Variants in NRG3 observed in about 807,000 individuals in gnomAD.
NRG3 encodes neuregulin 3, also known as pro-neuregulin-3, membrane-bound isoform.
In NRG3, 31 loss-of-function variants were observed where a neutral mutation model predicts 66.9. The observed-to-expected ratio is 0.46, with a 90% CI of 0.35 to 0.63. NRG3 has a LOEUF of 0.63. NRG3 is among the 20% of genes least tolerant of loss of function. The probability of loss-of-function intolerance (pLI) is 0.00; values close to 1 mark genes in which losing one functional copy is unlikely to be tolerated. For missense variants in NRG3, 910 were observed against 878.9 expected, an observed-to-expected ratio of 1.04 and a Z score of -0.45; for synonymous variants, 393 against 359.4, an observed-to-expected ratio of 1.09 and a Z score of -1.06.
intron 2 of NRG3, among the ~76,000 whole-genome samples, chr10:82,403,011 A>T (rs559518225): frequency 6.6e-6 from 1 of 152,316 alleles, no homozygotes; most frequent in Admixed American, 6.5e-5. Context: ...AAAGGAATCT[A>T]TGTGATCTTT....
At chr10:82,478,231 C>CTTT (rs1210990084) in intron 2 of NRG3, among the ~76,000 whole-genome samples, 2 of 18,150 alleles carry the variant, frequency 1.1e-4, no homozygotes, top group Non-Finnish European at 1.3e-4. Context: ...TTGTGTCACT[C>CTTT]TTTTTTTTTT....
At chr10:81,967,978 A>G (rs2059794930) in intron 1 of NRG3, among the ~76,000 whole-genome samples, 1 of 152,222 alleles carries the variant, frequency 6.6e-6, no homozygotes, top group South Asian at 2.1e-4. Flanking sequence ...ATGGATATGC[A>G]TATAAATATA....
intron 3 of NRG3, among the ~76,000 whole-genome samples, chr10:82,782,454 A>T (rs1224796346): frequency 6.6e-6 from 1 of 151,990 alleles, no homozygotes; most frequent in African/African-American, 2.4e-5. Flanking sequence ...CTTTATAAAT[A>T]TTTATTTATA....
chr10:82,692,676 T>C (rs1437647577), intron 2 of NRG3, among the ~76,000 whole-genome samples: 1 of 152,150 alleles, frequency 6.6e-6, no homozygotes, highest in African/African-American at 2.4e-5. Flanking sequence ...CAAGTACAGG[T>C]GGGCCTCTAG....
chr10:82,150,103 C>T (rs2070597020), intron 1 of NRG3, among the ~76,000 whole-genome samples: 1 of 152,148 alleles, frequency 6.6e-6, no homozygotes, highest in Non-Finnish European at 1.5e-5. Context: ...CCTGGACCAC[C>T]CTACTGTCCA....
At chr10:82,807,815 C>T (rs1485331677) in intron 3 of NRG3, among the ~76,000 whole-genome samples, 1 of 152,156 alleles carries the variant, frequency 6.6e-6, no homozygotes, top group Non-Finnish European at 1.5e-5. Context: ...GCTGCAAAGA[C>T]AGTCATATGG....
chr10:82,035,061 G>A (rs571048433), intron 1 of NRG3, among the ~76,000 whole-genome samples: 5 of 152,220 alleles, frequency 3.3e-5, no homozygotes, highest in South Asian at 4.1e-4. Flanking sequence ...CGCATATATA[G>A]TGGGTTTGAT....
intron 2 of NRG3, among the ~76,000 whole-genome samples, chr10:82,679,317 G>T (rs1014308218): frequency 6.6e-6 from 1 of 152,096 alleles, no homozygotes; most frequent in Non-Finnish European, 1.5e-5. Flanking sequence ...CACGTTCAAT[G>T]CTCAGCTAAG....
chr10:82,878,391 A>T (rs1048361124), intron 4 of NRG3, among the ~76,000 whole-genome samples: 2 of 152,232 alleles, frequency 1.3e-5, no homozygotes, highest in African/African-American at 4.8e-5. Flanking sequence ...CTGTGTGCAG[A>T]GTTTGCCTGA....
chr10:82,043,624 A>G (rs575577834), intron 1 of NRG3, among the ~76,000 whole-genome samples: 33 of 152,110 alleles, frequency 2.2e-4, no homozygotes, highest in African/African-American at 7.5e-4. Flanking sequence ...TGTCACCTCC[A>G]CACATGGAAT....
At chr10:82,301,014 G>T (rs762736897) in intron 1 of NRG3, among the ~76,000 whole-genome samples, 2 of 152,100 alleles carry the variant, frequency 1.3e-5, no homozygotes, top group Non-Finnish European at 2.9e-5. Flanking sequence ...AACTTTTAAA[G>T]ATAATGTTCC....
intron 1 of NRG3, among the ~76,000 whole-genome samples, chr10:82,306,703 T>TAAAAAA (rs71009805): frequency 5.6e-5 from 2 of 35,906 alleles, no homozygotes; most frequent in Non-Finnish European, 1.0e-4. Flanking sequence ...GACTCCGTCT[T>TAAAAAA]AAAAAAAAAA....
chr10:81,928,187 A>G (rs970100585), intron 1 of NRG3, among the ~76,000 whole-genome samples: 5 of 152,222 alleles, frequency 3.3e-5, no homozygotes, highest in African/African-American at 4.8e-5. Context: ...AAAGGAAGTA[A>G]CATATTATGT....
chr10:82,263,567 A>G (rs2078144120), intron 1 of NRG3, among the ~76,000 whole-genome samples: 1 of 152,120 alleles, frequency 6.6e-6, no homozygotes, highest in Admixed American at 6.5e-5. Flanking sequence ...TACTCTGACT[A>G]CTCAAGAATA....
chr10:82,757,862 C>A (rs1037228409), intron 3 of NRG3, among the ~76,000 whole-genome samples: 3 of 151,910 alleles, frequency 2.0e-5, no homozygotes, highest in Non-Finnish European at 4.4e-5. Flanking sequence ...TTAATTAAAT[C>A]TAGTTCTAGA....
In NRG3 at chr10:82,126,381, A is replaced by G. The variant is rs1302026314; in HGVS notation, c.824-232358A>G. ...CAGTAATTATAGGGTTATATTTCAT[A>G]GAAGCTGCAACATGAGACATACAGA... On this transcript the variant is annotated intron_variant, in intron 1 of 8. Transcript: ENST00000372141. 1.3e-5 allele frequency among the ~76,000 whole-genome samples: 2 copies of G among 152,078 alleles called. 1 individual carries two copies. Among genetic ancestry groups the G allele is most frequent in the Non-Finnish European group, 2.9e-5 (2 of 67,990 alleles).
chr10:82,345,919 C>A (rs2082990119), intron 1 of NRG3, among the ~76,000 whole-genome samples: 1 of 152,002 alleles, frequency 6.6e-6, no homozygotes, highest in African/African-American at 2.4e-5. Context: ...GATTTTGTAT[C>A]CTGAGACTTT....
At chr10:82,881,959 G>A (rs1842339236) in intron 4 of NRG3, among the ~76,000 whole-genome samples, 1 of 152,078 alleles carries the variant, frequency 6.6e-6, no homozygotes, top group African/African-American at 2.4e-5. Context: ...TTTTGCCCCT[G>A]GAACAGTGCC....
At chr10:82,133,763 C>T (rs1378221200) in intron 1 of NRG3, among the ~76,000 whole-genome samples, 3 of 152,052 alleles carry the variant, frequency 2.0e-5, no homozygotes, top group African/African-American at 7.2e-5. Context: ...GTATATTTCT[C>T]TGGGTGGTAT....
Sources: allele counts gnomAD v4.1 joint callset (sites outside exome capture counted in the v4.1 genomes callset), GRCh38; gene constraint gnomAD v4.1.1; transcripts MANE v1.5; gene names NCBI Gene and HGNC (gene_info 2026-07-23, HGNC 2026-07-21).